Variants in ENTHD1 observed in about 807,000 individuals in gnomAD.
The protein encoded by ENTHD1 is ENTH domain-containing protein 1.
A neutral mutation model predicts 39.1 loss-of-function variants in ENTHD1; 23 were observed. The ratio of observed to expected loss-of-function variants is 0.59; its 90% CI spans 0.42 to 0.83. ENTHD1 has a LOEUF of 0.83. Among genes scored for constraint, ENTHD1 ranks in the 40% least tolerant of loss-of-function variants. ENTHD1 has a pLI of 0.00. For missense variants in ENTHD1, 624 were observed against 705.4 expected (o/e 0.88, Z 1.31); for synonymous variants, 230 against 258.2 (o/e 0.89, Z 1.05).
intron 2 of ENTHD1, among the ~76,000 whole-genome samples, chr22:39,884,221 C>G (rs892600899): frequency 6.6e-6 from 1 of 152,014 alleles, no homozygotes; most frequent in African/African-American, 2.4e-5. Context: ...CTCTGTTGCC[C>G]AGGCTGGAGT....
chr22:39,818,588 G>T (rs75151689), intron 5 of ENTHD1, among the ~76,000 whole-genome samples: 1 of 152,160 alleles, frequency 6.6e-6, no homozygotes, highest in Non-Finnish European at 1.5e-5. Flanking sequence ...TACTTGTCTG[G>T]TACTATTTTA....
chr22:39,847,475 C>A (rs2065999708), intron 3 of ENTHD1, among the ~76,000 whole-genome samples: 1 of 150,972 alleles, frequency 6.6e-6, no homozygotes, highest in Non-Finnish European at 1.5e-5. Flanking sequence ...ACATATGTAA[C>A]CTGCACATTG....
chr22:39,754,996 T>G (rs932709256), intron 6 of ENTHD1, among the ~76,000 whole-genome samples: 3 of 152,228 alleles, frequency 2.0e-5, no homozygotes, highest in African/African-American at 7.2e-5. Context: ...ATGCACATTT[T>G]CCACTTCTGC....
chr22:39,777,821 T>C (rs921040590), intron 5 of ENTHD1, among the ~76,000 whole-genome samples: 4 of 152,236 alleles, frequency 2.6e-5, no homozygotes, highest in African/African-American at 9.6e-5. Flanking sequence ...AGATTATAGT[T>C]ATAAAAATGA....
chr22:39,800,459 C>G (rs1197642781), intron 5 of ENTHD1, among the ~76,000 whole-genome samples: 2 of 152,168 alleles, frequency 1.3e-5, no homozygotes, highest in African/African-American at 4.8e-5. Context: ...TGCAAGAATC[C>G]TGCGTGTCTA....
At chr22:39,846,501 T>C (rs1444885484) in intron 3 of ENTHD1, among the ~76,000 whole-genome samples, 4 of 152,218 alleles carry the variant, frequency 2.6e-5, no homozygotes, top group Admixed American at 6.5e-5. Context: ...TTAGATCCCA[T>C]TTGTCGATTT....
At chr22:39,835,620 A>C (rs1184032501) in intron 4 of ENTHD1, among the ~76,000 whole-genome samples, 1 of 152,212 alleles carries the variant, frequency 6.6e-6, no homozygotes, top group African/African-American at 2.4e-5. Context: ...CTCTTGGAAC[A>C]CATGAAGCTG....
intron 3 of ENTHD1, among the ~76,000 whole-genome samples, chr22:39,858,725 T>C (rs949595127): frequency 1.3e-5 from 2 of 152,202 alleles, no homozygotes; most frequent in African/African-American, 2.4e-5. Context: ...ATCAGAGCTC[T>C]TGGGTGACCA....
At chr22:39,766,075 C>CAAAAAAAAAAA (rs1555922759) in intron 5 of ENTHD1, among the ~76,000 whole-genome samples, 1 of 125,128 alleles carries the variant, frequency 8.0e-6, no homozygotes, top group Non-Finnish European at 1.8e-5. Flanking sequence ...GCTTTCTCCC[C>CAAAAAAAAAAA]AAAAATAAAG....
chr22:39,850,892 G>A (rs1337480308), intron 3 of ENTHD1, among the ~76,000 whole-genome samples: 1 of 152,016 alleles, frequency 6.6e-6, no homozygotes, highest in African/African-American at 2.4e-5. Context: ...TATATCAAAT[G>A]TTTATTATAC....
intron 5 of ENTHD1, among the ~76,000 whole-genome samples, chr22:39,801,344 C>T (rs182910101): frequency 6.6e-6 from 1 of 152,272 alleles, no homozygotes; most frequent in Non-Finnish European, 1.5e-5. Flanking sequence ...TGCTGTAGTC[C>T]TTTGCTTATC....
Position 39,884,380 on chromosome 22 carries a change from A to T in ENTHD1, c.349+3020T>A, listed in dbSNP as rs140475874. 2.5e-3 allele frequency among the ~76,000 whole-genome samples: 380 copies of T among 152,154 alleles called. 1 individual carries two copies. Among genetic ancestry groups the T allele is most frequent in the African/African-American group, 8.6e-3 (355 of 41,514 alleles). Reference sequence around the variant, plus strand: ...TTTTTAGTAAAGATGGGGTTTCACCATGTTGGCCAGGCTGGTCTTGACCTC... The same window carrying T: ...TTTTTAGTAAAGATGGGGTTTCACCTTGTTGGCCAGGCTGGTCTTGACCTC... On this transcript the variant is annotated intron_variant, in intron 2 of 6. Coordinates refer to ENST00000325157, the MANE Select transcript of ENTHD1 (RefSeq NM_152512.4).
chr22:39,765,257 C>A lies in ENTHD1; in HGVS notation c.1185G>T (p.Gln395His). 1 of 1,612,402 alleles carries A rather than the reference C, an allele frequency of 6.2e-7. No homozygotes were observed. The highest frequency in any genetic ancestry group is 1.7e-5 in the Admixed American group (1 of 59,792). ...AYQKPAQSSI[Q>H]MDDKILKTTT... ...TTGTCTTGAGGATTTTATCATCCATCTGAATGCTGGATTGTGCTGGTTTCT... is the reference window on the plus strand; with the variant it reads ...TTGTCTTGAGGATTTTATCATCCATATGAATGCTGGATTGTGCTGGTTTCT... The change falls in exon 6 of 7, where the codon CAG becomes CAT. Residue 395 changes from glutamine (Q) to histidine (H), a missense_variant. Transcript: ENST00000325157.
chr22:39,889,602 C>A (rs1473664132), intron 1 of ENTHD1, among the ~76,000 whole-genome samples: 1 of 152,226 alleles, frequency 6.6e-6, no homozygotes, highest in Non-Finnish European at 1.5e-5. Flanking sequence ...AATGTGTTCA[C>A]TGCTTTTAGT....
chr22:39,839,290 A>G (rs2065927644), intron 3 of ENTHD1, among the ~76,000 whole-genome samples: 1 of 152,220 alleles, frequency 6.6e-6, no homozygotes, highest in African/African-American at 2.4e-5. Context: ...GACTTACAGG[A>G]AACAGAGAAC....
intron 3 of ENTHD1, among the ~76,000 whole-genome samples, chr22:39,843,449 G>A (rs1210135857): frequency 7.0e-6 from 1 of 143,664 alleles, no homozygotes; most frequent in African/African-American, 2.6e-5. Flanking sequence ...ATCACACTCT[G>A]GGGACTGTTG....
intron 5 of ENTHD1, among the ~76,000 whole-genome samples, chr22:39,804,244 G>A (rs1402097791): frequency 5.3e-5 from 8 of 152,108 alleles, no homozygotes; most frequent in African/African-American, 1.4e-4. Flanking sequence ...CCAGCACTTT[G>A]GGAGGTTGAA....
chr22:39,865,474 ATAAC>A (rs2066174998), intron 2 of ENTHD1, among the ~76,000 whole-genome samples: 2 of 152,346 alleles, frequency 1.3e-5, no homozygotes, highest in African/African-American at 4.8e-5. Flanking sequence ...GATGAGTTAA[ATAAC>A]AACAACAGTA....
chr22:39,869,144 G>T (rs2146739589), intron 2 of ENTHD1, among the ~76,000 whole-genome samples: 1 of 152,224 alleles, frequency 6.6e-6, no homozygotes, highest in Admixed American at 6.5e-5. Context: ...ACATAATTCT[G>T]CCAAAAATAC....
Sources: gnomAD v4.1 joint callset for allele counts (sites outside exome capture counted in the v4.1 genomes callset) on GRCh38, gnomAD v4.1.1 for gene constraint, MANE v1.5 for transcripts, NCBI Gene and HGNC (gene_info 2026-07-23, HGNC 2026-07-21) for gene names.